The following MSRA variants were observed in gnomAD, a reference collection of about 807,000 sequenced individuals.
MSRA encodes the protein methionine sulfoxide reductase A.
In MSRA, 54 loss-of-function variants were observed where a neutral mutation model predicts 31.3. That is an observed-to-expected ratio of 1.73 (90% CI 1.39 to 2.17). The LOEUF (loss-of-function observed/expected upper bound fraction) is 2.17, where lower values mean the gene tolerates loss of function less well. Among genes scored for constraint, MSRA ranks in the 30% most tolerant of loss-of-function variants. The probability of loss-of-function intolerance (pLI) is 0.00; values close to 1 mark genes in which losing one functional copy is unlikely to be tolerated. For missense variants in MSRA, 507 were observed against 300.9 expected (o/e 1.69, Z -5.07); for synonymous variants, 169 against 116.5 (o/e 1.45, Z -2.90).
At chr8:10,368,257 CAG>C (rs746198192) in intron 5 of MSRA, among the ~76,000 whole-genome samples, 2 of 152,190 alleles carry the variant, frequency 1.3e-5, no homozygotes, top group Non-Finnish European at 2.9e-5. Flanking sequence ...CGCATTTTTA[CAG>C]AGTGAGTCAT....
At chr8:10,106,992 C>T (rs1799930929) in intron 1 of MSRA, among the ~76,000 whole-genome samples, 1 of 152,148 alleles carries the variant, frequency 6.6e-6, no homozygotes, top group African/African-American at 2.4e-5. Flanking sequence ...ATGCAGCTGT[C>T]AGCCCATTAT....
chr8:10,390,624 A>G (rs1272230883), intron 5 of MSRA, among the ~76,000 whole-genome samples: 1 of 152,190 alleles, frequency 6.6e-6, no homozygotes, highest in South Asian at 2.1e-4. Context: ...ATCAAGGAAG[A>G]GTAAAAATCA....
chr8:10,291,195 G>A (rs151183693), intron 3 of MSRA, among the ~76,000 whole-genome samples: 190 of 152,276 alleles, frequency 1.2e-3, no homozygotes, highest in African/African-American at 4.3e-3. Context: ...ACTGAGCTGT[G>A]TTTATGGCAC....
intron 1 of MSRA, among the ~76,000 whole-genome samples, chr8:10,098,755 C>T (rs557540357): frequency 6.6e-6 from 1 of 152,144 alleles, no homozygotes; most frequent in African/African-American, 2.4e-5. Context: ...GGCCAGAAAA[C>T]TTGAGTTGTT....
At chr8:10,088,209 C>T (rs866568348) in intron 1 of MSRA, among the ~76,000 whole-genome samples, 3 of 152,168 alleles carry the variant, frequency 2.0e-5, no homozygotes, top group Admixed American at 6.5e-5. Flanking sequence ...CCACCAACTA[C>T]GGGAACCCTA....
At chr8:10,173,385 C>T (rs932255920) in intron 1 of MSRA, among the ~76,000 whole-genome samples, 3 of 152,194 alleles carry the variant, frequency 2.0e-5, no homozygotes, top group Non-Finnish European at 2.9e-5. Flanking sequence ...CCAGACAAAT[C>T]GAAACGGCTT....
intron 5 of MSRA, among the ~76,000 whole-genome samples, chr8:10,382,811 C>A (rs189445606): frequency 2.0e-5 from 3 of 152,352 alleles, no homozygotes; most frequent in Non-Finnish European, 4.4e-5. Context: ...CTGCCACTAA[C>A]TAGCTGGTGT....
chr8:10,341,256 G>A (rs1242909119), intron 5 of MSRA, among the ~76,000 whole-genome samples: 6 of 152,142 alleles, frequency 3.9e-5, no homozygotes, highest in East Asian at 3.9e-4. Context: ...GCATCTGCTC[G>A]GCTCCTAGGG....
At chr8:10,406,302 C>G (rs1038707719) in intron 5 of MSRA, among the ~76,000 whole-genome samples, 5 of 152,208 alleles carry the variant, frequency 3.3e-5, no homozygotes, top group Admixed American at 1.3e-4. Context: ...CTCTCTGAAC[C>G]TGTGTTCTTC....
At chr8:10,122,335 A>G (rs1418703788) in intron 1 of MSRA, among the ~76,000 whole-genome samples, 1 of 152,244 alleles carries the variant, frequency 6.6e-6, no homozygotes. Context: ...ATACTTTGTG[A>G]GGATCAGCAG....
At chr8:10,276,479 G>T (rs1286247776) in intron 3 of MSRA, among the ~76,000 whole-genome samples, 1 of 152,188 alleles carries the variant, frequency 6.6e-6, no homozygotes, top group Non-Finnish European at 1.5e-5. Flanking sequence ...TGGACCAGCT[G>T]CTGCCTCAAT....
chr8:10,239,985 C>T (rs932920948), intron 2 of MSRA, among the ~76,000 whole-genome samples: 3 of 152,122 alleles, frequency 2.0e-5, no homozygotes, highest in African/African-American at 7.2e-5. Context: ...TTCCTGGTGA[C>T]GTGCAGTAAA....
At chr8:10,095,801 A>G (rs986109753) in intron 1 of MSRA, 3 of 1,221,498 alleles carry the variant, frequency 2.5e-6, no homozygotes, top group Non-Finnish European at 3.1e-6. Context: ...AGTCACCAGT[A>G]TTAAGGGAAA....
At chr8:10,268,149 C>A (rs1798841756) in intron 3 of MSRA, among the ~76,000 whole-genome samples, 1 of 152,216 alleles carries the variant, frequency 6.6e-6, no homozygotes, top group Admixed American at 6.5e-5. Context: ...ATGAGCAGAG[C>A]AGTCCTGGTG....
intron 1 of MSRA, among the ~76,000 whole-genome samples, chr8:10,149,610 T>G (rs1209764281): frequency 5.9e-5 from 9 of 152,034 alleles, no homozygotes; most frequent in African/African-American, 1.9e-4. Flanking sequence ...TTTAATAACA[T>G]TGTTTGGTTT....
At chr8:10,126,675 G>C (rs1254703724) in intron 1 of MSRA, among the ~76,000 whole-genome samples, 1 of 152,106 alleles carries the variant, frequency 6.6e-6, no homozygotes, top group African/African-American at 2.4e-5. Flanking sequence ...ACCATGCCTG[G>C]CTAATTTTTG....
intron 5 of MSRA, among the ~76,000 whole-genome samples, chr8:10,350,245 A>G (rs181122000): frequency 3.9e-5 from 6 of 152,206 alleles, no homozygotes; most frequent in South Asian, 2.1e-4. Context: ...TCTGGTCCCC[A>G]CCGTCCATCC....
intron 5 of MSRA, among the ~76,000 whole-genome samples, chr8:10,371,832 G>A (rs1458268742): frequency 6.6e-6 from 1 of 152,186 alleles, no homozygotes. Context: ...TCCATGTCTT[G>A]CAGGACTTGG....
At chr8:10,204,227 G>A (rs1038680705) in intron 1 of MSRA, among the ~76,000 whole-genome samples, 1 of 152,262 alleles carries the variant, frequency 6.6e-6, no homozygotes, top group South Asian at 2.1e-4. Flanking sequence ...AGTAGCTGAG[G>A]TTAATTTAGT....
Sources: allele counts gnomAD v4.1 joint callset (sites outside exome capture counted in the v4.1 genomes callset), GRCh38; gene constraint gnomAD v4.1.1; transcripts MANE v1.5; gene names NCBI Gene and HGNC (gene_info 2026-07-23, HGNC 2026-07-21).